Variants in PPARGC1A observed in about 807,000 individuals in gnomAD.
PPARGC1A encodes PPARG coactivator 1 alpha.
Under a neutral mutation model 88.7 loss-of-function variants are expected in PPARGC1A, and 25 were observed. That is an observed-to-expected ratio of 0.28 (90% CI 0.21 to 0.39). PPARGC1A has a LOEUF of 0.39. Among genes scored for constraint, PPARGC1A ranks in the 10% least tolerant of loss-of-function variants. PPARGC1A has a pLI of 1.00. For synonymous variants in PPARGC1A, 363 were observed against 355.6 expected, an observed-to-expected ratio of 1.02 and a Z score of -0.24; for missense variants, 880 against 968.7, an observed-to-expected ratio of 0.91 and a Z score of 1.22.
At chr4:24,089,480 T>TTTTTCTTTTC in the PPARGC1A span, among the ~76,000 whole-genome samples, 2,118 of 128,784 alleles carry the variant, frequency 0.016, 47 homozygotes, top group Middle Eastern at 0.069. Context: ...CTAGGATGCC[T>TTTTTCTTTTC]TTTTCTTTTC....
chr4:24,189,849 C>T, the PPARGC1A span, among the ~76,000 whole-genome samples: 12 of 152,102 alleles, frequency 7.9e-5, no homozygotes, highest in African/African-American at 2.7e-4. Context: ...GCCCTGAGCT[C>T]CCCACCAAAG....
chr4:24,050,983 G>A, the PPARGC1A span, among the ~76,000 whole-genome samples: 2 of 151,840 alleles, frequency 1.3e-5, no homozygotes, highest in South Asian at 2.1e-4. Context: ...GTCAGGAGAT[G>A]GAGACCATCC....
At position 23,801,766 on chromosome 4, in the gene PPARGC1A, G is replaced by A. The variant is rs748836875; in HGVS notation, c.2257C>T (p.Arg753Cys). Residue 753 changes from arginine (R) to cysteine (C), a missense_variant, in exon 12 of 13, where the codon CGC becomes TGC. Coordinates refer to ENST00000264867, the MANE Select transcript of PPARGC1A (RefSeq NM_013261.5). ...ETDFELYFCG[R>C]KQFFKSNYAD... ...TAGTTAGACTTGAAAAATTGCTTGCGTCCACAAAAGTACAGCTCAAAGTCA... is the reference window on the plus strand; with the variant it reads ...TAGTTAGACTTGAAAAATTGCTTGCATCCACAAAAGTACAGCTCAAAGTCA... 33 of 1,613,834 alleles carry A rather than the reference G, an allele frequency of 2.0e-5. No individual in the cohort carries two copies. The highest frequency in any genetic ancestry group is 1.6e-4 in the East Asian group (7 of 44,844).
chr4:23,966,740 C>G, the PPARGC1A span, among the ~76,000 whole-genome samples: 1 of 152,294 alleles, frequency 6.6e-6, no homozygotes, highest in South Asian at 2.1e-4. Context: ...TCTATCAAAG[C>G]TTTGTTGCTG....
chr4:24,262,203 A>G, the PPARGC1A span, among the ~76,000 whole-genome samples: 6 of 152,062 alleles, frequency 3.9e-5, no homozygotes, highest in Non-Finnish European at 1.5e-5. Context: ...TAATCCAATC[A>G]GGGCTGGGTG....
At chr4:24,390,626 C>T in the PPARGC1A span, among the ~76,000 whole-genome samples, 2 of 152,040 alleles carry the variant, frequency 1.3e-5, no homozygotes, top group Non-Finnish European at 2.9e-5. Context: ...AAACTGCTTT[C>T]TCTCACCACT....
the PPARGC1A span, among the ~76,000 whole-genome samples, chr4:23,959,551 C>A: frequency 6.6e-6 from 1 of 152,116 alleles, no homozygotes; most frequent in African/African-American, 2.4e-5. Context: ...AGGGGCATAC[C>A]AGCATGACGT....
At chr4:23,838,524 C>A (rs1056338449) in intron 2 of PPARGC1A, among the ~76,000 whole-genome samples, 3 of 152,144 alleles carry the variant, frequency 2.0e-5, no homozygotes, top group Non-Finnish European at 4.4e-5. Context: ...AAAATCAAGA[C>A]AATAAATACC....
chr4:24,278,115 T>C, the PPARGC1A span, among the ~76,000 whole-genome samples: 4 of 152,100 alleles, frequency 2.6e-5, no homozygotes. Flanking sequence ...TGCCATAAGT[T>C]ATGATTGCAC....
chr4:24,304,476 A>G, the PPARGC1A span, among the ~76,000 whole-genome samples: 1 of 152,228 alleles, frequency 6.6e-6, no homozygotes, highest in Non-Finnish European at 1.5e-5. Context: ...TCTTAGTCTT[A>G]TCACCAAGAG....
At chr4:24,092,967 C>A in the PPARGC1A span, among the ~76,000 whole-genome samples, 1 of 152,306 alleles carries the variant, frequency 6.6e-6, no homozygotes, top group East Asian at 1.9e-4. Flanking sequence ...CAATCACATG[C>A]CTTGTTTGAA....
At chr4:23,806,771 A>C (rs140572958) in intron 10 of PPARGC1A, among the ~76,000 whole-genome samples, 10 of 152,316 alleles carry the variant, frequency 6.6e-5, no homozygotes, top group African/African-American at 2.4e-4. Context: ...TATCAAAAAG[A>C]GTCTAGAGCT....
chr4:23,990,784 C>T, the PPARGC1A span, among the ~76,000 whole-genome samples: 1 of 152,050 alleles, frequency 6.6e-6, no homozygotes, highest in Non-Finnish European at 1.5e-5. Flanking sequence ...ATTTGACCTA[C>T]ATCCATTTGT....
the PPARGC1A span, among the ~76,000 whole-genome samples, chr4:23,985,841 C>T: frequency 6.6e-6 from 1 of 151,956 alleles, no homozygotes. Flanking sequence ...ATACATCATA[C>T]CCTACCCAGT....
chr4:23,942,530 A>G, the PPARGC1A span, among the ~76,000 whole-genome samples: 2 of 152,146 alleles, frequency 1.3e-5, no homozygotes, highest in East Asian at 3.9e-4. Context: ...AAACACCCAC[A>G]TTACTGTTAT....
At chr4:24,209,924 A>G in the PPARGC1A span, among the ~76,000 whole-genome samples, 3 of 152,238 alleles carry the variant, frequency 2.0e-5, no homozygotes, top group Admixed American at 6.5e-5. Flanking sequence ...ATTGATTTAA[A>G]CTCAAGGAGA....
the PPARGC1A span, among the ~76,000 whole-genome samples, chr4:24,452,539 G>A: frequency 1.3e-5 from 2 of 152,166 alleles, no homozygotes; most frequent in Non-Finnish European, 2.9e-5. Flanking sequence ...CCAGCTAAAA[G>A]ACACTAGGCC....
chr4:24,134,097 A>G, the PPARGC1A span, among the ~76,000 whole-genome samples: 11 of 152,188 alleles, frequency 7.2e-5, no homozygotes, highest in African/African-American at 2.2e-4. Flanking sequence ...TCCCAAACAC[A>G]TAAAAGGTGA....
At chr4:24,117,891 T>G in the PPARGC1A span, among the ~76,000 whole-genome samples, 6 of 152,146 alleles carry the variant, frequency 3.9e-5, no homozygotes, top group African/African-American at 1.4e-4. Flanking sequence ...CAAAAGTCCC[T>G]ACTTTGTCAC....
Sources: gnomAD v4.1 joint callset for allele counts (sites outside exome capture counted in the v4.1 genomes callset) on GRCh38, gnomAD v4.1.1 for gene constraint, MANE v1.5 for transcripts, NCBI Gene and HGNC (gene_info 2026-07-23, HGNC 2026-07-21) for gene names.